The following LY96 variants were observed in gnomAD, a reference collection of about 807,000 sequenced individuals.
The protein encoded by LY96 is myeloid differentiation protein-2.
Under a neutral mutation model 18.9 loss-of-function variants are expected in LY96, and 18 were observed. The observed-to-expected ratio is 0.95, with a 90% CI of 0.66 to 1.41. The LOEUF (loss-of-function observed/expected upper bound fraction) is 1.41, where lower values mean the gene tolerates loss of function less well. Among genes scored for constraint, LY96 ranks in the 40% most tolerant of loss-of-function variants. The pLI, the probability that LY96 is intolerant of heterozygous loss-of-function variation, is 0.00. For missense variants in LY96, 175 were observed against 182.4 expected (o/e 0.96, Z 0.23); for synonymous variants, 66 against 62.6 (o/e 1.06, Z -0.26).
chr8:74,003,922 C>A lies in LY96; in HGVS notation c.113-874C>A, dbSNP rs116878788. ...TTCTGGGGTCCTCTACCAACTCTTT[C>A]TCACTTCAGGGAGATGCAGGCAGCT... On this transcript the variant is annotated intron_variant, in intron 1 of 4. Transcript: ENST00000284818. 3.5e-3 allele frequency among the ~76,000 whole-genome samples: 539 copies of A among 152,286 alleles called. 4 individuals are homozygous for A. In the East Asian group the frequency reaches 0.042, roughly 12 times the overall value.
At chr8:74,039,423 C>T in the LY96 span, among the ~76,000 whole-genome samples, 2 of 151,748 alleles carry the variant, frequency 1.3e-5, no homozygotes, top group South Asian at 2.1e-4. Flanking sequence ...TCCCCGTGTG[C>T]GGACATGAGA....
At chr8:74,081,646 G>A in the LY96 span, among the ~76,000 whole-genome samples, 2,245 of 151,778 alleles carry the variant, frequency 0.015, 30 homozygotes, top group African/African-American at 0.048. Context: ...TTCCCACCTC[G>A]GCTGGTGTTT....
At chr8:73,994,596 C>T in intron 1 of LY96, among the ~76,000 whole-genome samples, 1 of 152,036 alleles carries the variant, frequency 6.6e-6, no homozygotes, top group Non-Finnish European at 1.5e-5. Flanking sequence ...AAGTGATTTT[C>T]CCGCTTCAGC....
chr8:74,030,758 G>A (rs1816956431), downstream of LY96, among the ~76,000 whole-genome samples: 1 of 152,200 alleles, frequency 6.6e-6, no homozygotes, highest in Admixed American at 6.5e-5. Context: ...TTGAAACGGT[G>A]AGCAGAGGAG....
rs781094812 is a variant in LY96, at chr8:74,028,942, A to G, written c.385-14A>G. The G allele has an allele frequency of 3.3e-6, 5 of 1,495,874 alleles. No individual in the cohort carries two copies. Among genetic ancestry groups the G allele is most frequent in the South Asian group, 1.1e-5 (1 of 87,764 alleles). 92.7% of individuals were successfully genotyped at this position (1,495,874 alleles called of 1,614,324 possible). On this transcript the variant is annotated splice_polypyrimidine_tract_variant and intron_variant, in intron 4 of 4. Transcript: ENST00000284818. Reference sequence around the variant, plus strand: ...ACATTTTGTATTACTTGTATTTCTTATACTTCATTTTAGGGAAAATACAAA... The same window carrying G: ...ACATTTTGTATTACTTGTATTTCTTGTACTTCATTTTAGGGAAAATACAAA...
chr8:74,068,138 C>T, the LY96 span, among the ~76,000 whole-genome samples: 1 of 143,750 alleles, frequency 7.0e-6, no homozygotes, highest in East Asian at 2.0e-4. Context: ...TTCTTGCTCT[C>T]TTTCCAGTGA....
At chr8:74,018,950 A>G (rs1176333810) in intron 3 of LY96, among the ~76,000 whole-genome samples, 1 of 152,228 alleles carries the variant, frequency 6.6e-6, no homozygotes, top group Non-Finnish European at 1.5e-5. Context: ...TTATAGCACT[A>G]AATGCCCACA....
chr8:74,040,862 C>T, the LY96 span, among the ~76,000 whole-genome samples: 48 of 152,060 alleles, frequency 3.2e-4, no homozygotes, highest in Non-Finnish European at 4.0e-4. Flanking sequence ...GCCACCACAC[C>T]GGGCTAATTT....
chr8:74,017,275 A>G (rs903972916), intron 3 of LY96, among the ~76,000 whole-genome samples: 56 of 152,370 alleles, frequency 3.7e-4, no homozygotes, highest in African/African-American at 1.3e-3. Flanking sequence ...TCAGTAGCCA[A>G]TTCGATCAAG....
the LY96 span, among the ~76,000 whole-genome samples, chr8:74,094,479 A>G: frequency 3.3e-4 from 50 of 152,228 alleles, no homozygotes; most frequent in African/African-American, 1.1e-3. Flanking sequence ...TCTTCCTTGG[A>G]CATTATTCAT....
intron 2 of LY96, among the ~76,000 whole-genome samples, chr8:74,008,220 A>C (rs1012284176): frequency 4.6e-5 from 7 of 152,222 alleles, no homozygotes; most frequent in African/African-American, 1.7e-4. Flanking sequence ...GAGTTGTCAA[A>C]GCAGGACTTC....
At chr8:74,098,055 C>G in the LY96 span, among the ~76,000 whole-genome samples, 1 of 152,178 alleles carries the variant, frequency 6.6e-6, no homozygotes, top group Admixed American at 6.5e-5. Context: ...GTCAGGTAAG[C>G]TTTTCCAATA....
the LY96 span, among the ~76,000 whole-genome samples, chr8:74,045,225 G>A: frequency 7.2e-5 from 11 of 152,134 alleles, no homozygotes; most frequent in African/African-American, 2.7e-4. Flanking sequence ...CATTAGAGAG[G>A]ATAAAAAATG....
At chr8:74,065,922 C>T in the LY96 span, among the ~76,000 whole-genome samples, 11 of 152,170 alleles carry the variant, frequency 7.2e-5, no homozygotes, top group Non-Finnish European at 2.9e-5. Context: ...AAATTGTTAA[C>T]AAGTTATACA....
At chr8:74,017,077 TAGA>T (rs1186224995) in intron 3 of LY96, among the ~76,000 whole-genome samples, 1 of 152,160 alleles carries the variant, frequency 6.6e-6, no homozygotes, top group Admixed American at 6.6e-5. Flanking sequence ...AAGAAGGCTT[TAGA>T]AGGTCAGTAA....
the LY96 span, among the ~76,000 whole-genome samples, chr8:74,054,640 C>T: frequency 8.5e-6 from 1 of 118,238 alleles, no homozygotes; most frequent in African/African-American, 3.2e-5. Flanking sequence ...TTCTTTCTTT[C>T]TTTCTTTCTT....
chr8:74,079,920 C>T, the LY96 span, among the ~76,000 whole-genome samples: 1 of 151,926 alleles, frequency 6.6e-6, no homozygotes, highest in Admixed American at 6.6e-5. Flanking sequence ...CAGATGTGTG[C>T]AGGGAAGGGG....
At chr8:73,996,800 A>G (rs1816157610) in intron 1 of LY96, among the ~76,000 whole-genome samples, 1 of 152,070 alleles carries the variant, frequency 6.6e-6, no homozygotes. Flanking sequence ...GCTGGAGTGC[A>G]GTGGTGCAAT....
At chr8:74,024,457 G>A (rs112541809) in intron 3 of LY96, among the ~76,000 whole-genome samples, 3,831 of 151,868 alleles carry the variant, frequency 0.025, 174 homozygotes, top group African/African-American at 0.086. Flanking sequence ...AAGGGAGAAG[G>A]AATAATATTA....
Sources: gnomAD v4.1 joint callset for allele counts (sites outside exome capture counted in the v4.1 genomes callset) on GRCh38, gnomAD v4.1.1 for gene constraint, MANE v1.5 for transcripts, NCBI Gene and HGNC (gene_info 2026-07-23, HGNC 2026-07-21) for gene names.